The following ANKIB1 variants were observed in gnomAD, a reference collection of about 807,000 sequenced individuals.
The protein encoded by ANKIB1 is ankyrin repeat and IBR domain-containing protein 1.
A neutral mutation model predicts 122.1 loss-of-function variants in ANKIB1; 43 were observed. That is an observed-to-expected ratio of 0.35 (90% CI 0.28 to 0.45). The LOEUF is 0.45. Among genes scored for constraint, ANKIB1 ranks in the 20% least tolerant of loss-of-function variants. The probability of loss-of-function intolerance (pLI) is 1.00; values close to 1 mark genes in which losing one functional copy is unlikely to be tolerated. For missense variants in ANKIB1, 992 were observed against 1,329.5 expected (o/e 0.75, Z 3.95); for synonymous variants, 390 against 442.0 (o/e 0.88, Z 1.48).
intron 17 of ANKIB1, among the ~76,000 whole-genome samples, chr7:92,395,194 C>T (rs1435944617): frequency 6.6e-6 from 1 of 152,136 alleles, no homozygotes; most frequent in African/African-American, 2.4e-5. Flanking sequence ...AGGTTGTACC[C>T]TCTGGTGATA....
At chr7:92,392,319 T>C (rs780866021) in intron 17 of ANKIB1, 27 bp downstream of exon 17, 4 of 1,605,040 alleles carry the variant, frequency 2.5e-6, no homozygotes, top group Non-Finnish European at 3.4e-6. Context: ...GTTTTTGTTT[T>C]TGTATTTTTT....
At chr7:92,391,055 G>A (rs1585140935) in intron 15 of ANKIB1, 111 bp from the exon 16 acceptor site, 1 of 851,970 alleles carries the variant, frequency 1.2e-6, no homozygotes, top group East Asian at 2.9e-5. Flanking sequence ...ATTTTAACTA[G>A]TTTCTTACTT....
intron 1 of ANKIB1, among the ~76,000 whole-genome samples, chr7:92,257,593 G>C (rs1801474028): frequency 6.6e-6 from 1 of 152,220 alleles, no homozygotes; most frequent in South Asian, 2.1e-4. Context: ...GGGAGTTCGA[G>C]ACCAGCCTGA....
rs1382603441 is a variant in ANKIB1, at chr7:92,398,653, A to G, written c.2974A>G (p.Thr992Ala). 5 of 1,614,000 alleles carry G rather than the reference A, an allele frequency of 3.1e-6. No homozygotes were observed. The highest frequency in any genetic ancestry group is 2.2e-5 in the East Asian group (1 of 44,876). ...PQSIALIPPA[T>A]TEISADSQLP... ...GAGTATTGCCCTGATTCCTCCAGCA[A>G]CTACAGAAATCAGTGCAGATTCCCA... The change falls in exon 20 of 20, where the codon ACT (threonine) becomes GCT (alanine). Residue 992 changes from threonine (T) to alanine (A), a missense_variant. This residue lies in a region of ANKIB1 where 384 missense variants were observed against 412.0 expected (regional missense o/e 0.93). Coordinates refer to ENST00000265742, the MANE Select transcript of ANKIB1 (RefSeq NM_019004.2).
At position 92,312,095 on chromosome 7, in the gene ANKIB1, A is replaced by G. The variant is rs74952383; in HGVS notation, c.486+4439A>G. Reference sequence around the variant, plus strand: ...TGCCTCTTTTTTTTAAATTGCATCAAACTCATACTACCCATGGCAGAGTAG... The same window carrying G: ...TGCCTCTTTTTTTTAAATTGCATCAGACTCATACTACCCATGGCAGAGTAG... On this transcript the variant is annotated intron_variant, in intron 3 of 19. Transcript: ENST00000265742. Among the ~76,000 whole-genome samples the G allele has an allele frequency of 9.1e-4, 138 of 152,182 alleles. 4 individuals are homozygous for G. The East Asian group carries it at 0.025, about 27-fold the overall frequency.
At chr7:92,329,276 A>G (rs1473767100) in intron 5 of ANKIB1, among the ~76,000 whole-genome samples, 1 of 151,978 alleles carries the variant, frequency 6.6e-6, no homozygotes, top group South Asian at 2.1e-4. Flanking sequence ...TACCTTCAAT[A>G]TCGATGTTTC....
At position 92,398,342 on chromosome 7, in the gene ANKIB1, T is replaced by A. The variant is rs781046938; in HGVS notation, c.2663T>A (p.Ile888Lys). The change falls in exon 20 of 20, where the codon ATA becomes AAA. Residue 888 changes from isoleucine to lysine, a missense_variant. By Grantham distance (102) the Ile-to-Lys change is moderately radical (BLOSUM62 -3). Around this residue, in one of 4 missense-constraint regions of ANKIB1, gnomAD observed 384 missense variants for 412.0 expected, o/e 0.93. Transcript: ENST00000265742. ...AGTAATGAAGCATCCTTAGGTGCGA[T>A]AGGCACTTCTTTACCTTCCAGGCTG... ...FLSNEASLGAIGTSLPSRLDS... is the reference protein window; with the variant it reads ...FLSNEASLGAKGTSLPSRLDS... The A allele has an allele frequency of 1.9e-6, 3 of 1,613,450 alleles. No individual in the cohort carries two copies. Among genetic ancestry groups the A allele is most frequent in the African/African-American group, 2.7e-5 (2 of 74,942 alleles).
intron 11 of ANKIB1, among the ~76,000 whole-genome samples, chr7:92,380,989 A>G (rs1187584153): frequency 1.3e-5 from 2 of 152,230 alleles, no homozygotes; most frequent in Non-Finnish European, 2.9e-5. Flanking sequence ...AACCCATCAC[A>G]AGGAAGGTAA....
rs368340575 is a variant in ANKIB1 at position 92,319,497 on chromosome 7, A to T, written c.654A>T (p.Ala218=). Residue 218 remains alanine, a synonymous_variant, in exon 4 of 20, where the codon GCA becomes GCT. Coordinates refer to ENST00000265742, the MANE Select transcript of ANKIB1 (RefSeq NM_019004.2). ...EAEEIEAEYA[A]LDKREPYEGL... is the part of the protein sequence containing the mutation. ...AAGAAATAGAAGCTGAATATGCTGC[A>T]TTAGACAAACGAGAGGTCAGTTTAT... 2.2e-5 allele frequency: 36 copies of T among 1,605,992 alleles called. No homozygotes were observed. In the African/African-American group the frequency reaches 4.0e-4, roughly 18 times the overall value.
At chr7:92,292,219 A>G (rs981902410) in intron 1 of ANKIB1, among the ~76,000 whole-genome samples, 4 of 152,224 alleles carry the variant, frequency 2.6e-5, no homozygotes, top group African/African-American at 4.8e-5. Context: ...GACCGTTTAG[A>G]TGATGCATTT....
chr7:92,343,000 C>G, intron 5 of ANKIB1, 24 bp from the exon 6 acceptor site: 1 of 1,595,290 alleles, frequency 6.3e-7, no homozygotes, highest in Non-Finnish European at 8.6e-7. Context: ...TTTTTGAGAG[C>G]TATCCATTCC....
chr7:92,398,514 A>C lies in ANKIB1; in HGVS notation c.2835A>C (p.Ala945=), dbSNP rs781435285. Residue 945 remains alanine, a synonymous_variant, in exon 20 of 20, where the codon GCA becomes GCC. Transcript: ENST00000265742. The part of the protein sequence containing the change: ...DTLSSHPLSE[A]RSDFCPSSSD... ...TGAGCTCACACCCTCTCAGTGAGGC[A>C]AGAAGTGATTTCTGTCCCTCATCTA... The C allele has an allele frequency of 4.3e-6, 7 of 1,614,004 alleles. No individual in the cohort carries two copies. Among genetic ancestry groups the C allele is most frequent in the Non-Finnish European group, 5.9e-6 (7 of 1,179,866 alleles).
At chr7:92,300,673 A>T (rs998683326) in intron 2 of ANKIB1, among the ~76,000 whole-genome samples, 2 of 152,128 alleles carry the variant, frequency 1.3e-5, no homozygotes, top group Non-Finnish European at 2.9e-5. Flanking sequence ...GCTACTTAAC[A>T]TATTTATCTC....
intron 1 of ANKIB1, among the ~76,000 whole-genome samples, chr7:92,290,671 ATCT>A (rs1239740255): frequency 7.9e-5 from 12 of 152,206 alleles, no homozygotes; most frequent in African/African-American, 2.9e-4. Flanking sequence ...GAAGAACTTC[ATCT>A]TCTGTAAAAG....
intron 8 of ANKIB1, 74 bp from the exon 9 acceptor site, chr7:92,352,402 A>G (rs1041155237): frequency 3.0e-5 from 43 of 1,438,366 alleles, no homozygotes; most frequent in Middle Eastern, 3.5e-4. Flanking sequence ...GTAAATTACC[A>G]TAGAGGTACA....
At chr7:92,389,950 T>G in intron 14 of ANKIB1, 21 bp from the exon 15 acceptor site, 1 of 1,570,144 alleles carries the variant, frequency 6.4e-7, no homozygotes, top group Non-Finnish European at 8.6e-7. Flanking sequence ...ACAAATTCAC[T>G]GTGCCTCAAT....
rs1463025132 is a variant in ANKIB1 at position 92,374,451 on chromosome 7, G to A, written c.1617+2844G>A. ...TGAGATTGTGCCATTGCACTCCAGCGTGGGCAACAAGAGCAAAACTCCATA... is the reference window on the plus strand; with the variant it reads ...TGAGATTGTGCCATTGCACTCCAGCATGGGCAACAAGAGCAAAACTCCATA... On this transcript the variant is annotated intron_variant, in intron 11 of 19. Transcript: ENST00000265742. Among the ~76,000 whole-genome samples, 35 of 152,034 alleles carry A rather than the reference G, an allele frequency of 2.3e-4. 1 individual carries two copies. Among genetic ancestry groups the A allele is most frequent in the Admixed American group, 2.1e-3 (32 of 15,258 alleles).
At chr7:92,327,465 T>A (rs1284468887) in intron 4 of ANKIB1, among the ~76,000 whole-genome samples, 1 of 152,214 alleles carries the variant, frequency 6.6e-6, no homozygotes, top group African/African-American at 2.4e-5. Context: ...GGTATAGTAT[T>A]TGCATATAAC....
At chr7:92,299,804 A>T (rs570801939) in intron 2 of ANKIB1, among the ~76,000 whole-genome samples, 1 of 151,606 alleles carries the variant, frequency 6.6e-6, no homozygotes, top group African/African-American at 2.4e-5. Flanking sequence ...AGGAACCTAC[A>T]GTAATTTTGT....
Sources: gnomAD v4.1 joint callset for allele counts (sites outside exome capture counted in the v4.1 genomes callset) on GRCh38, gnomAD v4.1.1 for gene constraint, gnomAD v4.1.1 regional missense constraint, MANE v1.5 for transcripts, NCBI Gene and HGNC (gene_info 2026-07-23, HGNC 2026-07-21) for gene names.